The following TASP1 variants were observed in gnomAD, a reference collection of about 807,000 sequenced individuals.
TASP1 encodes the protein taspase 1.
TASP1 carries 16 observed loss-of-function variants against 56.6 expected under a neutral mutation model. The observed-to-expected ratio is 0.28, with a 90% CI of 0.19 to 0.43. TASP1 has a LOEUF of 0.43. TASP1 is among the 20% of genes least tolerant of loss of function. The pLI is 1.00. For missense variants in TASP1, 393 were observed against 511.6 expected (o/e 0.77, Z 2.24); for synonymous variants, 179 against 184.2 (o/e 0.97, Z 0.23).
At chr20:13,619,524 A>G (rs1450101265) in intron 4 of TASP1, among the ~76,000 whole-genome samples, 3 of 152,328 alleles carry the variant, frequency 2.0e-5, no homozygotes, top group Admixed American at 2.0e-4. Context: ...AACAATCCTA[A>G]GAAAATGGTA....
intron 10 of TASP1, among the ~76,000 whole-genome samples, chr20:13,504,397 G>C (rs997605358): frequency 2.0e-5 from 3 of 151,666 alleles, no homozygotes; most frequent in Non-Finnish European, 2.9e-5. Flanking sequence ...GAAAAATAAA[G>C]GTTTTCCCAG....
At chr20:13,107,155 C>T in the TASP1 span, among the ~76,000 whole-genome samples, 5 of 152,182 alleles carry the variant, frequency 3.3e-5, no homozygotes, top group East Asian at 1.9e-4. Flanking sequence ...AGCATACAAA[C>T]GTCTGGGCCC....
chr20:13,423,898 A>G (rs6105092), intron 12 of TASP1, among the ~76,000 whole-genome samples: 9,659 of 152,274 alleles, frequency 0.063, 457 homozygotes, highest in African/African-American at 0.13. Context: ...GTCCCTCATT[A>G]GAATGTATTA....
the TASP1 span, among the ~76,000 whole-genome samples, chr20:13,269,107 C>T: frequency 2.6e-5 from 4 of 152,074 alleles, no homozygotes; most frequent in Non-Finnish European, 5.9e-5. Flanking sequence ...GCAAAGAGGG[C>T]GTGTGGAGAC....
chr20:13,293,586 T>C, the TASP1 span, among the ~76,000 whole-genome samples: 1 of 151,692 alleles, frequency 6.6e-6, no homozygotes, highest in African/African-American at 2.4e-5. Context: ...GGTCAGGTAA[T>C]GGGGTCAGGT....
At chr20:13,373,081 G>A in the TASP1 span, among the ~76,000 whole-genome samples, 1 of 151,682 alleles carries the variant, frequency 6.6e-6, no homozygotes, top group South Asian at 2.1e-4. Flanking sequence ...TGTTCTATGT[G>A]CTTTCTTATT....
chr20:13,114,519 CA>C, the TASP1 span, among the ~76,000 whole-genome samples: 1 of 152,162 alleles, frequency 6.6e-6, no homozygotes, highest in Non-Finnish European at 1.5e-5. Context: ...AAAACAAATA[CA>C]TATATAAACA....
At chr20:13,598,846 C>A (rs974191905) in intron 4 of TASP1, among the ~76,000 whole-genome samples, 2 of 152,008 alleles carry the variant, frequency 1.3e-5, no homozygotes, top group Non-Finnish European at 1.5e-5. Context: ...AAGAAAAAAA[C>A]CCCATCAAAA....
At chr20:13,467,920 GCAGGAGAATCGCTTGAACC>G (rs1163495145) in intron 11 of TASP1, among the ~76,000 whole-genome samples, 16 of 152,180 alleles carry the variant, frequency 1.1e-4, no homozygotes, top group African/African-American at 2.9e-4. Context: ...AGAGGCTGAG[GCAGGAGAATCGCTTGAACC>G]CAGGAGGCGG....
intron 7 of TASP1, among the ~76,000 whole-genome samples, chr20:13,569,146 T>C (rs1367887358): frequency 1.3e-5 from 2 of 152,106 alleles, no homozygotes; most frequent in Non-Finnish European, 2.9e-5. Context: ...TAAAAAGTCC[T>C]TCCCTCAGCT....
At chr20:13,146,134 A>G in the TASP1 span, among the ~76,000 whole-genome samples, 3 of 152,216 alleles carry the variant, frequency 2.0e-5, no homozygotes, top group Non-Finnish European at 4.4e-5. Flanking sequence ...AGGAACATGG[A>G]TGGAGCTGGA....
chr20:13,485,703 A>G (rs953933039), intron 10 of TASP1, among the ~76,000 whole-genome samples: 3 of 152,238 alleles, frequency 2.0e-5, no homozygotes, highest in Admixed American at 1.3e-4. Context: ...TAAAGCTAAC[A>G]GAAAGAAATC....
At chr20:13,119,570 C>T in the TASP1 span, among the ~76,000 whole-genome samples, 94 of 152,274 alleles carry the variant, frequency 6.2e-4, no homozygotes, top group Non-Finnish European at 1.2e-3. Context: ...TCTTAAAATG[C>T]TCATTTTATG....
chr20:13,312,124 G>C, the TASP1 span, among the ~76,000 whole-genome samples: 1 of 152,164 alleles, frequency 6.6e-6, no homozygotes, highest in African/African-American at 2.4e-5. Context: ...AGTTAAATCT[G>C]AGTATTGGGT....
At chr20:13,231,381 C>T in the TASP1 span, among the ~76,000 whole-genome samples, 1 of 152,172 alleles carries the variant, frequency 6.6e-6, no homozygotes, top group East Asian at 1.9e-4. Context: ...GCAAAGGTCA[C>T]GCCTAGGCAA....
At chr20:13,426,727 T>C (rs1342002885) in intron 12 of TASP1, among the ~76,000 whole-genome samples, 1 of 152,074 alleles carries the variant, frequency 6.6e-6, no homozygotes, top group East Asian at 1.9e-4. Context: ...TTAAATATCA[T>C]GTCTGCCTCA....
At chr20:13,589,107 G>C (rs889448936) in intron 4 of TASP1, among the ~76,000 whole-genome samples, 1 of 149,548 alleles carries the variant, frequency 6.7e-6, no homozygotes, top group Non-Finnish European at 1.5e-5. Context: ...GCGCAGGCTG[G>C]AGTGCAGTGG....
chr20:13,531,476 A>G (rs1036945440), intron 9 of TASP1, among the ~76,000 whole-genome samples: 10 of 150,142 alleles, frequency 6.7e-5, no homozygotes, highest in African/African-American at 2.0e-4. Flanking sequence ...TCAAATTGCC[A>G]TTTCTTATCC....
At chr20:13,590,615 C>T (rs1229223174) in intron 4 of TASP1, among the ~76,000 whole-genome samples, 1 of 152,160 alleles carries the variant, frequency 6.6e-6, no homozygotes, top group Non-Finnish European at 1.5e-5. Flanking sequence ...CACCTGTAAT[C>T]CCAGCACTTT....
Sources: gnomAD v4.1 joint callset for allele counts (sites outside exome capture counted in the v4.1 genomes callset) on GRCh38, gnomAD v4.1.1 for gene constraint, MANE v1.5 for transcripts, NCBI Gene and HGNC (gene_info 2026-07-23, HGNC 2026-07-21) for gene names.